CUL3: variants seen among roughly 807,000 people sequenced by gnomAD.
CUL3 encodes the protein cullin 3.
CUL3 carries 19 observed loss-of-function variants against 89.1 expected under a neutral mutation model. That is an observed-to-expected ratio of 0.21 (90% CI 0.15 to 0.31). CUL3 has a LOEUF of 0.31. CUL3 is among the 10% of genes least tolerant of loss of function. The pLI is 1.00. For synonymous variants in CUL3, 351 were observed against 308.4 expected (o/e 1.14, Z -1.45); for missense variants, 469 against 942.3 (o/e 0.50, Z 6.58).
chr2:224,510,511 C>A (rs1357497287), intron 6 of CUL3, among the ~76,000 whole-genome samples: 1 of 151,766 alleles, frequency 6.6e-6, no homozygotes, highest in East Asian at 1.9e-4. Flanking sequence ...AGCTCATGAC[C>A]CCAACAGGCA....
chr2:224,522,705 T>G (rs936515801), intron 3 of CUL3, among the ~76,000 whole-genome samples: 1 of 152,100 alleles, frequency 6.6e-6, no homozygotes, highest in Non-Finnish European at 1.5e-5. Context: ...GGCGGGAGCC[T>G]GTAGCCCAGC....
At chr2:224,535,484 C>T (rs1693863438) in intron 3 of CUL3, 44 bp downstream of exon 3, 1 of 1,384,516 alleles carries the variant, frequency 7.2e-7, no homozygotes, top group Non-Finnish European at 9.9e-7. Context: ...ACTTCAAATG[C>T]TTAACTGCTT....
chr2:224,551,579 G>A (rs1265465072), intron 2 of CUL3, among the ~76,000 whole-genome samples: 2 of 151,340 alleles, frequency 1.3e-5, no homozygotes, highest in Admixed American at 1.3e-4. Context: ...GCTGGCCTCA[G>A]GTGTTCCTGC....
At chr2:224,573,472 C>T (rs1056921492) in intron 1 of CUL3, among the ~76,000 whole-genome samples, 14 of 152,172 alleles carry the variant, frequency 9.2e-5, no homozygotes, top group Admixed American at 2.0e-4. Context: ...ATACACATTT[C>T]CCAAGTTTTT....
intron 13 of CUL3, 42 bp downstream of exon 13, chr2:224,495,790 T>C: frequency 6.5e-7 from 1 of 1,534,134 alleles, no homozygotes; most frequent in Middle Eastern, 1.7e-4. Flanking sequence ...AAGTGAGAGT[T>C]AGAAACAACA....
rs1032340673 is a variant in CUL3, at chr2:224,506,276, A to T, written c.1030-144T>A. ...AACTTACAGTTTTGATATTATTTTC[A>T]AGCCTATATCTAAGCCTCTATTAAA... On this transcript the variant is annotated intron_variant, in intron 7 of 15. Transcript: ENST00000264414. The T allele has an allele frequency of 1.1e-4, 66 of 578,070 alleles. No individual in the cohort carries two copies. In the African/African-American group the frequency reaches 1.2e-3, roughly 10 times the overall value. The allele number at this position is 578,070 out of a possible 1,614,324, so 35.8% of individuals were successfully genotyped here.
intron 13 of CUL3, among the ~76,000 whole-genome samples, chr2:224,491,648 T>C (rs188159447): frequency 5.9e-4 from 90 of 152,294 alleles, no homozygotes; most frequent in African/African-American, 1.9e-3. Flanking sequence ...CTCAGTCTAA[T>C]AGAAAGGTGT....
In CUL3 at chr2:224,535,615, C is replaced by A. The variant is rs1268847894; in HGVS notation, c.291G>T (p.Leu97Phe). The stretch of plus-strand genomic sequence containing the variant: ...TTAGCGTTTGAAGAAAGTTGTTATT[C>A]AATGAATTTAGTACATCTTCTCGCA... ...NKVREDVLNS[L>F]NNNFLQTLNQ... Residue 97 changes from leucine to phenylalanine, a missense_variant, in exon 3 of 16, where the codon TTG (leucine) becomes TTT (phenylalanine). Physicochemically the swap from Leu to Phe is conservative, Grantham distance 22 (BLOSUM62 0). Coordinates refer to ENST00000264414, the MANE Select transcript of CUL3 (RefSeq NM_003590.5). 6.2e-7 allele frequency: 1 copy of A among 1,613,394 alleles called. No homozygotes were observed. The highest frequency in any genetic ancestry group is 1.1e-5 in the South Asian group (1 of 90,982).
chr2:224,578,604 G>T (rs1015224058), intron 1 of CUL3, among the ~76,000 whole-genome samples: 2 of 152,076 alleles, frequency 1.3e-5, no homozygotes, highest in Non-Finnish European at 2.9e-5. Flanking sequence ...GTTTTCACAA[G>T]ACACTGATAG....
chr2:224,553,486 G>T (rs1421776294), intron 2 of CUL3, among the ~76,000 whole-genome samples: 1 of 152,304 alleles, frequency 6.6e-6, no homozygotes, highest in Admixed American at 6.5e-5. Flanking sequence ...CAACTTGAAT[G>T]CATGTTTTGG....
intron 1 of CUL3, among the ~76,000 whole-genome samples, chr2:224,573,633 G>C (rs1287989104): frequency 6.6e-6 from 1 of 152,134 alleles, no homozygotes; most frequent in Non-Finnish European, 1.5e-5. Flanking sequence ...AGCGTCCCCA[G>C]ATCTGCCCCT....
chr2:224,504,302 T>C (rs1307019101), intron 8 of CUL3: 1 of 152,354 alleles, frequency 6.6e-6, no homozygotes, highest in Non-Finnish European at 1.5e-5. Flanking sequence ...CCTTACTTTA[T>C]TTTTTTATTT....
In CUL3 at chr2:224,550,787, C is replaced by A. The variant is rs146950605; in HGVS notation, c.264+6872G>T. Among the ~76,000 whole-genome samples the A allele has an allele frequency of 2.8e-4, 42 of 152,250 alleles. No homozygotes were observed. In the East Asian group the frequency reaches 7.9e-3, roughly 29 times the overall value. Reference sequence around the variant, plus strand: ...TAGTGTAAATCATCACTGTTATTCACCTGAATTTCTGGATTACTCCTTCCT... The same window carrying A: ...TAGTGTAAATCATCACTGTTATTCAACTGAATTTCTGGATTACTCCTTCCT... On this transcript the variant is annotated intron_variant, in intron 2 of 15. Transcript: ENST00000264414.
In CUL3 at chr2:224,506,737, A is replaced by C. The variant is rs185134684; in HGVS notation, c.1029+121T>G. 3.7e-4 allele frequency: 302 copies of C among 809,504 alleles called. 1 individual carries two copies. In the African/African-American group the frequency reaches 4.8e-3, roughly 13 times the overall value. 50.1% of individuals were successfully genotyped at this position (809,504 alleles called of 1,614,324 possible). Reference sequence around the variant, plus strand: ...AATATGTAGGATAATTACAAATATTAATTTACTACTGGGACAATTAAGTTG... The same window carrying C: ...AATATGTAGGATAATTACAAATATTCATTTACTACTGGGACAATTAAGTTG... On this transcript the variant is annotated intron_variant, in intron 7 of 15. Transcript: ENST00000264414.
chr2:224,539,857 T>C (rs889896415), intron 2 of CUL3, among the ~76,000 whole-genome samples: 4 of 151,892 alleles, frequency 2.6e-5, no homozygotes, highest in Admixed American at 6.6e-5. Context: ...CTAGTGAATA[T>C]ATGTCCAAAA....
chr2:224,507,430 G>A (rs1692642683), intron 6 of CUL3, among the ~76,000 whole-genome samples: 1 of 152,108 alleles, frequency 6.6e-6, no homozygotes, highest in Non-Finnish European at 1.5e-5. Context: ...GTAATTGGTA[G>A]TCCCTGTAAT....
intron 2 of CUL3, among the ~76,000 whole-genome samples, chr2:224,552,517 C>T (rs1482966571): frequency 6.6e-6 from 1 of 152,112 alleles, no homozygotes; most frequent in Non-Finnish European, 1.5e-5. Context: ...TTTTGAAAGC[C>T]AACAATCAGC....
intron 3 of CUL3, among the ~76,000 whole-genome samples, chr2:224,534,016 C>T (rs1050088945): frequency 6.6e-6 from 1 of 152,074 alleles, no homozygotes; most frequent in African/African-American, 2.4e-5. Context: ...CTCATCACTA[C>T]ATTAAAACTA....
At chr2:224,507,223 T>C (rs747475267) in intron 6 of CUL3, among the ~76,000 whole-genome samples, 2 of 152,182 alleles carry the variant, frequency 1.3e-5, no homozygotes, top group African/African-American at 2.4e-5. Context: ...TTAGATGAGA[T>C]GCTTTGAAAC....
Sources: allele counts gnomAD v4.1 joint callset (sites outside exome capture counted in the v4.1 genomes callset), GRCh38; gene constraint gnomAD v4.1.1; transcripts MANE v1.5; gene names NCBI Gene and HGNC (gene_info 2026-07-23, HGNC 2026-07-21).